Variants in CTTNBP2 observed in about 807,000 individuals in gnomAD.
CTTNBP2 encodes the protein cortactin binding protein 2, also known as cortactin-binding protein 2.
Under a neutral mutation model 156.9 loss-of-function variants are expected in CTTNBP2, and 108 were observed. That is an observed-to-expected ratio of 0.69 (90% CI 0.59 to 0.81). The LOEUF (loss-of-function observed/expected upper bound fraction) is 0.81. Among genes scored for constraint, CTTNBP2 ranks in the 30% least tolerant of loss-of-function variants. CTTNBP2 has a pLI of 0.00. For missense variants in CTTNBP2, 1,924 were observed against 2,035.4 expected (o/e 0.95, Z 1.05); for synonymous variants, 767 against 751.8 (o/e 1.02, Z -0.33).
chr7:117,750,745 G>A (rs961185315), intron 12 of CTTNBP2, among the ~76,000 whole-genome samples: 2 of 152,124 alleles, frequency 1.3e-5, no homozygotes, highest in African/African-American at 4.8e-5. Context: ...ATTTCTCCAA[G>A]TAATCAAGAT....
chr7:117,861,031 G>C (rs1161992396), intron 2 of CTTNBP2, among the ~76,000 whole-genome samples, 178 bp downstream of exon 2: 1 of 152,200 alleles, frequency 6.6e-6, no homozygotes. Context: ...TCTGACTTCA[G>C]TGTTTGTTTG....
intron 4 of CTTNBP2, among the ~76,000 whole-genome samples, chr7:117,786,723 C>T (rs917305853): frequency 1.3e-4 from 20 of 152,120 alleles, no homozygotes; most frequent in Admixed American, 9.8e-4. Context: ...GTTTTGTTTA[C>T]ATTTTTCTTT....
chr7:117,813,440 C>G (rs1800402110), intron 2 of CTTNBP2, among the ~76,000 whole-genome samples: 1 of 152,136 alleles, frequency 6.6e-6, no homozygotes, highest in Admixed American at 6.5e-5. Context: ...TGAAGCCAAG[C>G]CCTGCATACT....
At chr7:117,802,725 G>A (rs893581508) in intron 3 of CTTNBP2, among the ~76,000 whole-genome samples, 35 of 152,136 alleles carry the variant, frequency 2.3e-4, no homozygotes, top group African/African-American at 7.9e-4. Flanking sequence ...GTGGGCAAAG[G>A]ACATGAACAG....
chr7:117,718,069 G>T lies in CTTNBP2; in HGVS notation c.4695C>A (p.Asn1565Lys). The change falls in exon 22 of 23, where the codon AAC (asparagine) becomes AAA (lysine). Residue 1565 changes from asparagine (N) to lysine (K), a missense_variant. Coordinates refer to ENST00000160373, the MANE Select transcript of CTTNBP2 (RefSeq NM_033427.3). Reference sequence around the variant, plus strand: ...TATTAATAGTTGCTGAAAGTACAGGGTTGTTTCCAGAACTATCAAACATCC... The same window carrying T: ...TATTAATAGTTGCTGAAAGTACAGGTTTGTTTCCAGAACTATCAAACATCC... Reference protein sequence around the residue: ...DLRMFDSSGNNPVLSATINNL... With the variant: ...DLRMFDSSGNKPVLSATINNL... 2.5e-6 allele frequency: 4 copies of T among 1,613,474 alleles called. No individual in the cohort carries two copies. The African/African-American group carries it at 4.0e-5, about 16-fold the overall frequency.
intron 7 of CTTNBP2, among the ~76,000 whole-genome samples, chr7:117,778,042 A>G (rs1378158544): frequency 6.6e-6 from 1 of 152,244 alleles, no homozygotes; most frequent in Non-Finnish European, 1.5e-5. Context: ...TGTCCAGGGC[A>G]TAACTGAGCA....
intron 2 of CTTNBP2, among the ~76,000 whole-genome samples, chr7:117,838,606 T>C (rs1474902637): frequency 1.3e-5 from 2 of 152,148 alleles, no homozygotes; most frequent in Admixed American, 6.5e-5. Flanking sequence ...TAGACATGAA[T>C]TCAGTCATTT....
Position 117,711,629 on chromosome 7 carries a change from T to C in CTTNBP2, c.4900A>G (p.Ser1634Gly). ...SQNTKRSSSS[S>G]NTRQIEINNN... ...TTGATTTCTATTTGCCTTGTATTAC[T>C]GCTGCTGCTGCTTCTTTTGGTGTTC... Residue 1634 changes from serine (S) to glycine (G), a missense_variant, in exon 23 of 23, where the codon AGT becomes GGT. Ser to Gly is a moderately conservative substitution (Grantham distance 56, BLOSUM62 0). Coordinates refer to ENST00000160373, the MANE Select transcript of CTTNBP2 (RefSeq NM_033427.3). The C allele has an allele frequency of 6.2e-7, 1 of 1,613,660 alleles. No homozygotes were observed. The highest frequency in any genetic ancestry group is 8.5e-7 in the Non-Finnish European group (1 of 1,179,572).
At chr7:117,853,816 A>G (rs1356148077) in intron 2 of CTTNBP2, among the ~76,000 whole-genome samples, 2 of 152,190 alleles carry the variant, frequency 1.3e-5, no homozygotes, top group Non-Finnish European at 2.9e-5. Flanking sequence ...TCAGCAGGCA[A>G]ATGCTATGCA....
At chr7:117,762,115 G>A (rs183135850) in intron 9 of CTTNBP2, among the ~76,000 whole-genome samples, 11 of 152,226 alleles carry the variant, frequency 7.2e-5, no homozygotes, top group African/African-American at 2.4e-4. Context: ...CTTAATGATA[G>A]TGTGTTTTGG....
chr7:117,749,693 G>A (rs1448099113), intron 12 of CTTNBP2, among the ~76,000 whole-genome samples: 1 of 152,056 alleles, frequency 6.6e-6, no homozygotes, highest in East Asian at 1.9e-4. Context: ...TTTCTAAGTG[G>A]TATAAATCTT....
At chr7:117,835,183 G>A (rs960320400) in intron 2 of CTTNBP2, among the ~76,000 whole-genome samples, 1 of 152,212 alleles carries the variant, frequency 6.6e-6, no homozygotes, top group Non-Finnish European at 1.5e-5. Flanking sequence ...AAAAGTGTTT[G>A]CAGAAATAGG....
At chr7:117,861,782 G>A (rs922062729) in intron 1 of CTTNBP2, among the ~76,000 whole-genome samples, 1 of 151,898 alleles carries the variant, frequency 6.6e-6, no homozygotes, top group African/African-American at 2.4e-5. Flanking sequence ...TGCAGCAGAG[G>A]CCACCAGCTG....
intron 2 of CTTNBP2, among the ~76,000 whole-genome samples, chr7:117,811,432 C>T (rs1414569573): frequency 6.6e-6 from 1 of 151,994 alleles, no homozygotes. Flanking sequence ...TGTCTTATAG[C>T]TGGAACTATA....
intron 10 of CTTNBP2, among the ~76,000 whole-genome samples, chr7:117,758,468 G>C (rs1797010074): frequency 6.6e-6 from 1 of 151,376 alleles, no homozygotes; most frequent in African/African-American, 2.4e-5. Context: ...TTCTCCCATT[G>C]CGGGCCCTCT....
intron 16 of CTTNBP2, among the ~76,000 whole-genome samples, 174 bp from the exon 17 acceptor site, chr7:117,728,441 C>T (rs539361373): frequency 2.7e-4 from 41 of 152,252 alleles, no homozygotes; most frequent in South Asian, 4.1e-4. Context: ...GTTGTGCAAA[C>T]GTGTTAGTGT....
chr7:117,870,255 T>C (rs1804491311), intron 1 of CTTNBP2, among the ~76,000 whole-genome samples: 1 of 152,234 alleles, frequency 6.6e-6, no homozygotes, highest in Non-Finnish European at 1.5e-5. Context: ...TCAGTAAGTG[T>C]TCAGTAATGT....
chr7:117,783,888 C>T (rs1584998537), intron 5 of CTTNBP2, among the ~76,000 whole-genome samples: 1 of 152,236 alleles, frequency 6.6e-6, no homozygotes, highest in African/African-American at 2.4e-5. Flanking sequence ...CAATTTCAGG[C>T]CCATGACCTT....
In CTTNBP2 at chr7:117,784,423, C is replaced by A. The variant is rs751625613; in HGVS notation, c.2100G>T (p.Met700Ile). ...GWSPSLTPLL[M>I]SGGPAPLAGR... ...CAGCCAGGGGGGCAGGACCACCACT[C>A]ATTAGCAAAGGGGTTAGGGAGGGTG... Residue 700 changes from methionine (M) to isoleucine (I), a missense_variant, in exon 5 of 23, where the codon ATG (methionine) becomes ATT (isoleucine). Coordinates refer to ENST00000160373, the MANE Select transcript of CTTNBP2 (RefSeq NM_033427.3). The A allele has an allele frequency of 6.2e-7, 1 of 1,608,258 alleles. No homozygotes were observed. Among genetic ancestry groups the A allele is most frequent in the South Asian group, 1.1e-5 (1 of 90,116 alleles).
Sources: allele counts gnomAD v4.1 joint callset (sites outside exome capture counted in the v4.1 genomes callset), GRCh38; gene constraint gnomAD v4.1.1; transcripts MANE v1.5; gene names NCBI Gene and HGNC (gene_info 2026-07-23, HGNC 2026-07-21).